The following ADAMTSL2 variants were observed in gnomAD, a reference collection of about 807,000 sequenced individuals.
ADAMTSL2 encodes the protein ADAMTS like 2, also known as ADAMTS-like protein 2.
In ADAMTSL2, 55 loss-of-function variants were observed where a neutral mutation model predicts 117.0. The observed-to-expected ratio is 0.47, with a 90% CI of 0.38 to 0.59. The LOEUF is 0.59. Among genes scored for constraint, ADAMTSL2 ranks in the 20% least tolerant of loss-of-function variants. ADAMTSL2 has a pLI of 0.00. For synonymous variants in ADAMTSL2, 572 were observed against 566.4 expected (o/e 1.01, Z -0.14); for missense variants, 1,182 against 1,354.5 (o/e 0.87, Z 2.00).
intron 17 of ADAMTSL2, among the ~76,000 whole-genome samples, chr9:133,573,600 G>T (rs1268270243): frequency 6.6e-6 from 1 of 152,222 alleles, no homozygotes; most frequent in Non-Finnish European, 1.5e-5. Flanking sequence ...AGGCAGCCCT[G>T]GGTGGGAGAC....
intron 13 of ADAMTSL2, among the ~76,000 whole-genome samples, chr9:133,567,751 G>A (rs1041566328): frequency 1.3e-5 from 2 of 152,228 alleles, no homozygotes; most frequent in Non-Finnish European, 2.9e-5. Flanking sequence ...CTGGCCCGGG[G>A]GTGGGGTCCA....
chr9:133,562,810 T>C (rs1588300638), intron 12 of ADAMTSL2, among the ~76,000 whole-genome samples: 1 of 96,822 alleles, frequency 1.0e-5, no homozygotes. Context: ...TTGGCCAGGC[T>C]CGCACCGCTG....
At position 133,554,216 on chromosome 9, in the gene ADAMTSL2, G is replaced by T. The variant is rs1588292978; in HGVS notation, c.940-141G>T. ...GGGCAGGAGCACTGCGTTGGGCTGG[G>T]CTAGTCAGTGTCATTCCCTGAGGGG... On this transcript the variant is annotated intron_variant, in intron 9 of 18. Transcript: ENST00000651351. This position sits in a 1 kb window ranked among gnomAD's most constrained non-coding sequence, Gnocchi z 5.2. 1 of 772,840 alleles carries T rather than the reference G, an allele frequency of 1.3e-6. No individual in the cohort carries two copies. The highest frequency in any genetic ancestry group is 2.0e-6 in the Non-Finnish European group (1 of 489,256). 47.9% of individuals were successfully genotyped at this position (772,840 alleles called of 1,614,324 possible).
chr9:133,538,661 C>T (rs147810357), intron 4 of ADAMTSL2, among the ~76,000 whole-genome samples: 11 of 152,218 alleles, frequency 7.2e-5, no homozygotes, highest in East Asian at 1.9e-4. Flanking sequence ...CTGGGACGGG[C>T]GGACTCACTC....
Position 133,541,076 on chromosome 9 carries a change from G to T in ADAMTSL2, c.682+75G>T, listed in dbSNP as rs568070736. Reference sequence around the variant, plus strand: ...GGGGGTCCTGAGTGTGCTCCTGTCTGCAGCCTCCTGTGTACCACTGGGCAA... The same window carrying T: ...GGGGGTCCTGAGTGTGCTCCTGTCTTCAGCCTCCTGTGTACCACTGGGCAA... On this transcript the variant is annotated intron_variant, in intron 7 of 18. Coordinates refer to ENST00000651351, the MANE Select transcript of ADAMTSL2 (RefSeq NM_014694.4). 1.9e-6 allele frequency: 3 copies of T among 1,555,192 alleles called. No homozygotes were observed. The East Asian group carries it at 7.2e-5, about 38-fold the overall frequency.
At chr9:133,542,168 C>G (rs28584997) in intron 7 of ADAMTSL2, among the ~76,000 whole-genome samples, 40,482 of 152,048 alleles carry the variant, frequency 0.27, 5,926 homozygotes, top group African/African-American at 0.36. Context: ...AGTGTTGGCT[C>G]CAGGAGGTGC....
intron 9 of ADAMTSL2, among the ~76,000 whole-genome samples, chr9:133,551,631 T>C (rs1830485598): frequency 6.6e-6 from 1 of 151,712 alleles, no homozygotes; most frequent in Admixed American, 6.6e-5. Context: ...AACCATAGGG[T>C]GCTATGTTAT....
intron 7 of ADAMTSL2, among the ~76,000 whole-genome samples, chr9:133,541,420 C>G (rs558154918): frequency 5.9e-5 from 9 of 152,058 alleles, no homozygotes; most frequent in Non-Finnish European, 1.0e-4. Context: ...TCCCGAGGAG[C>G]TGGGACTACA....
At chr9:133,544,436 C>G in intron 7 of ADAMTSL2, 34 bp from the exon 8 acceptor site, 1 of 1,576,076 alleles carries the variant, frequency 6.3e-7, no homozygotes, top group African/African-American at 1.3e-5. Flanking sequence ...CCTTTCCAAT[C>G]AAGAGGGGCT....
rs1215549002 is a variant in ADAMTSL2 at position 133,539,823 on chromosome 9, A to G, written c.362A>G (p.Asn121Ser). The change falls in exon 5 of 19, where the codon AAC (asparagine) becomes AGC (serine). Residue 121 changes from asparagine to serine, a missense_variant. Physicochemically the swap from Asn to Ser is conservative, Grantham distance 46. Around this residue, in one of 3 missense-constraint regions of ADAMTSL2, gnomAD observed 372 missense variants for 463.4 expected, o/e 0.80. Transcript: ENST00000651351. ...CGCGAGGAGCAGTGCGTCTCCTTCA[A>G]CTCCCACGTGTACAACGGGCGGACG... The part of the protein sequence containing the change: ...SFREEQCVSF[N>S]SHVYNGRTHQ... 2 of 1,550,674 alleles carry G rather than the reference A, an allele frequency of 1.3e-6. No homozygotes were observed. Among genetic ancestry groups the G allele is most frequent in the Admixed American group, 3.9e-5 (2 of 50,952 alleles).
chr9:133,534,869 C>A lies in ADAMTSL2; in HGVS notation c.-199C>A. The A allele has an allele frequency of 1.3e-6, 2 of 1,481,524 alleles. No homozygotes were observed. The highest frequency in any genetic ancestry group is 1.8e-6 in the Non-Finnish European group (2 of 1,111,244). 91.8% of individuals were successfully genotyped at this position (1,481,524 alleles called of 1,614,324 possible). A position where few individuals can be genotyped will look rare whatever the true frequency, so the allele number is the denominator to read the frequency against. On this transcript the variant is annotated 5_prime_UTR_variant, in exon 1 of 19. Coordinates refer to ENST00000651351, the MANE Select transcript of ADAMTSL2 (RefSeq NM_014694.4). ...CGCACCTGGCGCCGTCTGCCCTCCG[C>A]AGCGCTCGCCCCTTTCTCTGGGAGG...
intron 18 of ADAMTSL2, 52 bp downstream of exon 18, chr9:133,574,039 G>C: frequency 1.9e-6 from 3 of 1,574,776 alleles, no homozygotes; most frequent in Non-Finnish European, 2.6e-6. Flanking sequence ...GGGGAGGCGA[G>C]GACAGAGTCA....
chr9:133,534,994 G>C (rs1322510195), intron 1 of ADAMTSL2, 77 bp downstream of exon 1: 2 of 1,317,404 alleles, frequency 1.5e-6, no homozygotes, highest in Non-Finnish European at 1.9e-6. Flanking sequence ...GGGGCTGGGG[G>C]TAGGAGCACC....
intron 9 of ADAMTSL2, among the ~76,000 whole-genome samples, chr9:133,553,425 A>G (rs1274983544): frequency 4.6e-5 from 7 of 151,974 alleles, no homozygotes; most frequent in African/African-American, 1.5e-4. Flanking sequence ...TCACCTTTCC[A>G]TGCCATCCTT....
intron 8 of ADAMTSL2, among the ~76,000 whole-genome samples, chr9:133,546,724 G>T (rs1208867922): frequency 6.6e-6 from 1 of 152,192 alleles, no homozygotes; most frequent in African/African-American, 2.4e-5. Flanking sequence ...CCTTGGTTGT[G>T]GTGCGACCTC....
chr9:133,566,271 A>G (rs1830970686), intron 12 of ADAMTSL2, among the ~76,000 whole-genome samples: 1 of 152,160 alleles, frequency 6.6e-6, no homozygotes, highest in Non-Finnish European at 1.5e-5. Flanking sequence ...GTGAAACCCA[A>G]TTTCCATAAA....
At chr9:133,572,689 C>G (rs1007937424) in intron 17 of ADAMTSL2, among the ~76,000 whole-genome samples, 60 of 152,262 alleles carry the variant, frequency 3.9e-4, no homozygotes, top group African/African-American at 1.4e-3. Context: ...GGAGGAGCAT[C>G]CCCCTAGCCC....
rs748947724 is a variant in ADAMTSL2, at chr9:133,540,910, C to T, written c.591C>T (p.Thr197=). 4 of 1,613,318 alleles carry T rather than the reference C, an allele frequency of 2.5e-6. No individual in the cohort carries two copies. The African/African-American group carries it at 5.3e-5, about 22-fold the overall frequency. Residue 197 remains threonine, a synonymous_variant, in exon 7 of 19, where the codon ACC becomes ACT. Transcript: ENST00000651351. ...GCTGTGACGGGGTGCTTTTCTCCAC[C>T]CACACACTGGACAAGTGTGGCATCT... ...PIGCDGVLFS[T]HTLDKCGICQ...
At chr9:133,564,373 A>G (rs1360944032) in intron 12 of ADAMTSL2, among the ~76,000 whole-genome samples, 3 of 41,334 alleles carry the variant, frequency 7.3e-5, no homozygotes, top group African/African-American at 1.1e-4. Context: ...AGGGAGAGAG[A>G]GGGAGAGAGA....
Sources: gnomAD v4.1 joint callset for allele counts (sites outside exome capture counted in the v4.1 genomes callset) on GRCh38, gnomAD v4.1.1 for gene constraint, gnomAD v4.1.1 regional missense constraint, Gnocchi (gnomAD v3.1) non-coding constraint, MANE v1.5 for transcripts, NCBI Gene and HGNC (gene_info 2026-07-23, HGNC 2026-07-21) for gene names.